The following TENM2 variants were observed in gnomAD, a reference collection of about 807,000 sequenced individuals.
TENM2 encodes the protein teneurin transmembrane protein 2.
TENM2 carries 52 observed loss-of-function variants against 245.2 expected under a neutral mutation model. That is an observed-to-expected ratio of 0.21 (90% CI 0.17 to 0.27). The LOEUF (loss-of-function observed/expected upper bound fraction) is 0.27. TENM2 is among the 10% of genes least tolerant of loss of function. TENM2 has a pLI of 1.00. For missense variants in TENM2, 3,046 were observed against 3,666.8 expected, an observed-to-expected ratio of 0.83 and a Z score of 4.37; for synonymous variants, 1,363 against 1,438.9, an observed-to-expected ratio of 0.95 and a Z score of 1.19.
intron 2 of TENM2, among the ~76,000 whole-genome samples, chr5:167,844,887 G>T (rs370959193): frequency 6.8e-6 from 1 of 146,746 alleles, no homozygotes. Context: ...TTCTATCTTC[G>T]CCCCTTCAGT....
chr5:167,117,427 C>T, the TENM2 span, among the ~76,000 whole-genome samples: 19 of 152,172 alleles, frequency 1.2e-4, no homozygotes, highest in South Asian at 4.1e-4. Flanking sequence ...GGCGTGAACC[C>T]GGGAGGTGGA....
At chr5:167,764,857 C>T (rs1045646144) in intron 2 of TENM2, among the ~76,000 whole-genome samples, 3 of 152,160 alleles carry the variant, frequency 2.0e-5, no homozygotes, top group African/African-American at 7.2e-5. Flanking sequence ...GGGCAAATTG[C>T]TATGCTGATG....
chr5:167,322,345 G>A (rs2127773694), intron 1 of TENM2, among the ~76,000 whole-genome samples: 1 of 152,058 alleles, frequency 6.6e-6, no homozygotes, highest in East Asian at 1.9e-4. Flanking sequence ...TTCTGGCCCT[G>A]TTAGCCACCC....
intron 2 of TENM2, among the ~76,000 whole-genome samples, chr5:167,844,241 C>T (rs929923283): frequency 2.0e-5 from 3 of 152,196 alleles, no homozygotes; most frequent in African/African-American, 7.2e-5. Flanking sequence ...TTTATTTAAA[C>T]AAGGTCGGCT....
intron 2 of TENM2, among the ~76,000 whole-genome samples, chr5:167,770,874 G>C (rs1186288737): frequency 6.6e-6 from 1 of 152,118 alleles, no homozygotes; most frequent in Non-Finnish European, 1.5e-5. Context: ...GAGGGCTGTT[G>C]GTCCCACTGG....
At chr5:167,831,539 C>T (rs907463708) in intron 2 of TENM2, among the ~76,000 whole-genome samples, 38 of 145,910 alleles carry the variant, frequency 2.6e-4, no homozygotes, top group African/African-American at 9.1e-4. Context: ...AACAGAGTCA[C>T]GTTTTGGCCC....
chr5:167,942,617 C>A (rs1779273733), intron 3 of TENM2, among the ~76,000 whole-genome samples: 1 of 152,062 alleles, frequency 6.6e-6, no homozygotes, highest in South Asian at 2.1e-4. Flanking sequence ...CCTGGTGGTC[C>A]CAGTTTTTTT....
chr5:167,620,772 G>T (rs535666783), intron 2 of TENM2, among the ~76,000 whole-genome samples: 1 of 151,974 alleles, frequency 6.6e-6, no homozygotes, highest in East Asian at 1.9e-4. Context: ...TTTGAAAGAG[G>T]TTTAGAGCTC....
chr5:167,779,690 C>T (rs1388932342), intron 2 of TENM2, among the ~76,000 whole-genome samples: 1 of 152,234 alleles, frequency 6.6e-6, no homozygotes, highest in Non-Finnish European at 1.5e-5. Flanking sequence ...CAGTCAGTGG[C>T]TCCCCTCTTC....
intron 5 of TENM2, among the ~76,000 whole-genome samples, chr5:168,011,908 G>T (rs1254467579): frequency 6.6e-6 from 1 of 152,222 alleles, no homozygotes; most frequent in African/African-American, 2.4e-5. Context: ...AAATGTCGCA[G>T]TGACTCAGTT....
At chr5:167,071,125 A>C in the TENM2 span, among the ~76,000 whole-genome samples, 1 of 152,126 alleles carries the variant, frequency 6.6e-6, no homozygotes, top group African/African-American at 2.4e-5. Context: ...GTCAGGCATA[A>C]TTATTTTATA....
intron 13 of TENM2, 38 bp downstream of exon 15, chr5:168,162,795 A>T (rs1412500695): frequency 6.2e-7 from 1 of 1,606,432 alleles, no homozygotes; most frequent in South Asian, 1.1e-5. Flanking sequence ...CCCTAAGAGC[A>T]GAGCGTTGTC....
chr5:167,918,208 G>C (rs143983303), intron 3 of TENM2, among the ~76,000 whole-genome samples: 1 of 152,268 alleles, frequency 6.6e-6, no homozygotes, highest in East Asian at 1.9e-4. Context: ...TGAAAGCTTA[G>C]CGGTTGTGTT....
At chr5:168,056,433 C>A (rs1248289581) in intron 6 of TENM2, among the ~76,000 whole-genome samples, 1 of 152,080 alleles carries the variant, frequency 6.6e-6, no homozygotes, top group Non-Finnish European at 1.5e-5. Context: ...TAACAATTGA[C>A]AAATTTGAAT....
chr5:167,505,538 G>A (rs1769485755), intron 2 of TENM2, among the ~76,000 whole-genome samples: 1 of 143,944 alleles, frequency 6.9e-6, no homozygotes, highest in African/African-American at 2.8e-5. Context: ...AATGGAAATA[G>A]GAGAATTGAA....
Position 168,256,210 on chromosome 5 carries a change from A to G in TENM2, c.7433-4073A>G, listed in dbSNP as rs116446229. On this transcript the variant is annotated intron_variant, in intron 27 of 28. Transcript: ENST00000518659. ...ATACCTAGATATGGCAAATATATAT[A>G]TATGTCTATATGTATATATATGTGT... Among the ~76,000 whole-genome samples the G allele has an allele frequency of 6.9e-3, 1,035 of 149,342 alleles. 15 individuals are homozygous for G. The highest frequency in any genetic ancestry group is 0.025 in the African/African-American group (995 of 39,078).
chr5:167,666,142 A>G (rs1180130773), intron 2 of TENM2, among the ~76,000 whole-genome samples: 1 of 152,188 alleles, frequency 6.6e-6, no homozygotes, highest in East Asian at 1.9e-4. Context: ...CAGGTCCCTG[A>G]GGGTGACTTG....
intron 1 of TENM2, among the ~76,000 whole-genome samples, chr5:167,303,673 C>T (rs905998978): frequency 6.6e-6 from 1 of 152,114 alleles, no homozygotes; most frequent in African/African-American, 2.4e-5. Flanking sequence ...GCTCAGAGGC[C>T]TGACAGTGGG....
At chr5:167,285,092 T>C (rs1561836032) in intron 1 of TENM2, 29 bp downstream of exon 3, 25 of 1,493,882 alleles carry the variant, frequency 1.7e-5, no homozygotes, top group Non-Finnish European at 2.1e-5. Flanking sequence ...GCTGATTTGC[T>C]CTCAACTGTC....
Sources: allele counts gnomAD v4.1 joint callset (sites outside exome capture counted in the v4.1 genomes callset), GRCh38; gene constraint gnomAD v4.1.1; transcripts MANE v1.5; gene names NCBI Gene and HGNC (gene_info 2026-07-23, HGNC 2026-07-21).